NAALADL2: variants seen among roughly 807,000 people sequenced by gnomAD.
NAALADL2 encodes the protein inactive N-acetylated-alpha-linked acidic dipeptidase-like protein 2.
NAALADL2 carries 76 observed loss-of-function variants against 87.2 expected under a neutral mutation model. The observed-to-expected ratio is 0.87, with a 90% CI of 0.72 to 1.05. The LOEUF is 1.05. Among genes scored for constraint, NAALADL2 ranks in the 50% least tolerant of loss-of-function variants. The pLI is 0.00. For synonymous variants in NAALADL2, 354 were observed against 331.0 expected (o/e 1.07, Z -0.75); for missense variants, 1,089 against 945.8 (o/e 1.15, Z -1.99).
chr3:175,740,327 C>A (rs563190663), intron 12 of NAALADL2, among the ~76,000 whole-genome samples: 6 of 152,076 alleles, frequency 3.9e-5, no homozygotes, highest in Non-Finnish European at 5.9e-5. Flanking sequence ...TAAGCAAAAG[C>A]CGGATTAGAA....
At chr3:175,523,550 A>G (rs1732962136) in intron 9 of NAALADL2, among the ~76,000 whole-genome samples, 1 of 152,226 alleles carries the variant, frequency 6.6e-6, no homozygotes. Flanking sequence ...ACTCGAATAT[A>G]AAATTTTCTT....
chr3:175,265,294 A>G (rs756913506), intron 4 of NAALADL2, among the ~76,000 whole-genome samples: 124 of 151,818 alleles, frequency 8.2e-4, no homozygotes, highest in Non-Finnish European at 1.4e-3. Flanking sequence ...TCAGTTTACA[A>G]TATCCTAAAA....
At chr3:175,088,098 G>C (rs1201237519) in intron 1 of NAALADL2, among the ~76,000 whole-genome samples, 1 of 151,936 alleles carries the variant, frequency 6.6e-6, no homozygotes. Context: ...ATGATCTTTA[G>C]TTTATAAGGA....
chr3:174,744,427 C>T (rs1231207880), intron 3 of NAALADL2, among the ~76,000 whole-genome samples: 1 of 152,016 alleles, frequency 6.6e-6, no homozygotes, highest in African/African-American at 2.4e-5. Context: ...GCACCCAACA[C>T]AGGAGCGCCC....
intron 2 of NAALADL2, among the ~76,000 whole-genome samples, chr3:175,098,083 G>A (rs770123335): frequency 1.6e-4 from 24 of 152,098 alleles, no homozygotes; most frequent in Non-Finnish European, 2.6e-4. Flanking sequence ...CAGGTGTATT[G>A]GTGTTGGTGG....
At chr3:174,806,761 T>G (rs555150670) in intron 3 of NAALADL2, among the ~76,000 whole-genome samples, 1 of 152,296 alleles carries the variant, frequency 6.6e-6, no homozygotes, top group Admixed American at 6.5e-5. Flanking sequence ...AGAAAGACAT[T>G]AGTGTTTTTC....
At chr3:175,627,611 A>G (rs1288888416) in intron 11 of NAALADL2, among the ~76,000 whole-genome samples, 1 of 151,696 alleles carries the variant, frequency 6.6e-6, no homozygotes, top group Non-Finnish European at 1.5e-5. Context: ...TTACAAATCA[A>G]TTTTTAATAA....
At chr3:175,206,421 G>C (rs1447924011) in intron 2 of NAALADL2, among the ~76,000 whole-genome samples, 1 of 151,194 alleles carries the variant, frequency 6.6e-6, no homozygotes, top group Non-Finnish European at 1.5e-5. Flanking sequence ...CAGCTACCTG[G>C]ATGAGACTGA....
chr3:175,117,413 C>T (rs967873762), intron 2 of NAALADL2, among the ~76,000 whole-genome samples: 8 of 151,992 alleles, frequency 5.3e-5, no homozygotes, highest in Admixed American at 1.3e-4. Context: ...AACAAATTTA[C>T]CAGAAAAAAT....
chr3:175,420,251 A>C (rs565848998), intron 5 of NAALADL2, among the ~76,000 whole-genome samples: 98 of 152,118 alleles, frequency 6.4e-4, no homozygotes, highest in South Asian at 2.3e-3. Flanking sequence ...CCTGATTACT[A>C]TATAGTCCTG....
At chr3:174,695,093 C>T (rs950434455) in intron 2 of NAALADL2, among the ~76,000 whole-genome samples, 2 of 151,986 alleles carry the variant, frequency 1.3e-5, no homozygotes, top group Admixed American at 6.6e-5. Flanking sequence ...CTGTTTTCTT[C>T]CCCTTGCTGC....
chr3:174,777,255 TTAAAA>T (rs1307819834), intron 3 of NAALADL2, among the ~76,000 whole-genome samples: 1 of 152,130 alleles, frequency 6.6e-6, no homozygotes, highest in East Asian at 1.9e-4. Flanking sequence ...TTCATTTTAA[TTAAAA>T]TGTAGGTAAT....
chr3:175,128,412 C>T (rs1279791276), intron 2 of NAALADL2, among the ~76,000 whole-genome samples: 1 of 152,114 alleles, frequency 6.6e-6, no homozygotes, highest in Admixed American at 6.5e-5. Flanking sequence ...TTAGCTACTT[C>T]AAAGAACAAA....
intron 1 of NAALADL2, among the ~76,000 whole-genome samples, chr3:174,892,921 C>CAAAAAAAA (rs35081771): frequency 1.8e-5 from 2 of 108,532 alleles, no homozygotes; most frequent in African/African-American, 3.4e-5. Flanking sequence ...GACTCCAACT[C>CAAAAAAAA]AAAAAAAAAA....
chr3:175,273,676 T>A (rs998909042), intron 4 of NAALADL2, among the ~76,000 whole-genome samples: 1 of 152,096 alleles, frequency 6.6e-6, no homozygotes, highest in African/African-American at 2.4e-5. Flanking sequence ...TATTCTCTTT[T>A]AACCCTAACG....
chr3:175,148,992 AT>A, intron 2 of NAALADL2, among the ~76,000 whole-genome samples: 1 of 152,222 alleles, frequency 6.6e-6, no homozygotes, highest in South Asian at 2.1e-4. Context: ...GAAAAATAAT[AT>A]TTCTAGTTTC....
intron 1 of NAALADL2, among the ~76,000 whole-genome samples, chr3:174,489,900 C>T (rs1158909794): frequency 1.3e-5 from 2 of 151,992 alleles, no homozygotes. Context: ...TTATATGCAT[C>T]AGCAAGTATT....
chr3:174,774,481 G>T (rs1714968636), intron 3 of NAALADL2, among the ~76,000 whole-genome samples: 1 of 152,142 alleles, frequency 6.6e-6, no homozygotes, highest in Non-Finnish European at 1.5e-5. Context: ...CTTTAATAAT[G>T]AACCAGTACA....
intron 5 of NAALADL2, among the ~76,000 whole-genome samples, chr3:175,337,048 A>C (rs1762053653): frequency 6.6e-6 from 1 of 151,356 alleles, no homozygotes; most frequent in South Asian, 2.1e-4. Flanking sequence ...CCACAAACAC[A>C]CTTAAGTTGT....
Sources: gnomAD v4.1 joint callset for allele counts (sites outside exome capture counted in the v4.1 genomes callset) on GRCh38, gnomAD v4.1.1 for gene constraint, MANE v1.5 for transcripts, NCBI Gene and HGNC (gene_info 2026-07-23, HGNC 2026-07-21) for gene names.